The following OPRM1 variants were observed in gnomAD, a reference collection of about 807,000 sequenced individuals.
The protein encoded by OPRM1 is mu-type opioid receptor.
A neutral mutation model predicts 31.8 loss-of-function variants in OPRM1; 27 were observed. The observed-to-expected ratio is 0.85, with a 90% CI of 0.63 to 1.17. The LOEUF is 1.17. Ranked by LOEUF, OPRM1 falls within the 50% of genes most tolerant of loss-of-function variation. The pLI is 0.00. For synonymous variants in OPRM1, 196 were observed against 189.9 expected, an observed-to-expected ratio of 1.03 and a Z score of -0.26; for missense variants, 536 against 511.1, an observed-to-expected ratio of 1.05 and a Z score of -0.47.
intron 3 of OPRM1, among the ~76,000 whole-genome samples, chr6:154,114,728 T>A (rs1475515203): frequency 6.6e-6 from 1 of 151,784 alleles, no homozygotes; most frequent in Non-Finnish European, 1.5e-5. Flanking sequence ...TGGCATGATC[T>A]AACACAAGCC....
At chr6:154,221,699 C>T (rs1471145803) in intron 3 of OPRM1, among the ~76,000 whole-genome samples, 3 of 151,968 alleles carry the variant, frequency 2.0e-5, no homozygotes, top group Non-Finnish European at 1.5e-5. Context: ...TGGTGAAACC[C>T]CGTCTCTACT....
intron 3 of OPRM1, among the ~76,000 whole-genome samples, chr6:154,185,960 T>G (rs1801304032): frequency 6.6e-6 from 1 of 152,254 alleles, no homozygotes; most frequent in Non-Finnish European, 1.5e-5. Context: ...ACGACCCTTT[T>G]GGTTCCCCTT....
At chr6:154,094,111 T>A in intron 3 of OPRM1, 1 of 606,784 alleles carries the variant, frequency 1.6e-6, no homozygotes, top group Non-Finnish European at 2.7e-6. Flanking sequence ...TGGTTGTGGA[T>A]GTTTATGTTC....
intron 3 of OPRM1, among the ~76,000 whole-genome samples, chr6:154,172,653 G>C (rs950119129): frequency 3.9e-5 from 6 of 152,244 alleles, no homozygotes; most frequent in Non-Finnish European, 7.3e-5. Flanking sequence ...CAAAGCAGCA[G>C]GGAAGCTCGA....
intron 3 of OPRM1, among the ~76,000 whole-genome samples, chr6:154,179,059 A>G (rs960427554): frequency 6.6e-6 from 1 of 152,220 alleles, no homozygotes; most frequent in Non-Finnish European, 1.5e-5. Flanking sequence ...AGTCAGGGAC[A>G]TTACATTGTT....
intron 3 of OPRM1, among the ~76,000 whole-genome samples, chr6:154,198,508 G>A (rs1776805299): frequency 6.6e-6 from 1 of 152,142 alleles, no homozygotes; most frequent in African/African-American, 2.4e-5. Flanking sequence ...TGCCATCAGA[G>A]GCCAGGCAGG....
At chr6:154,048,936 C>G (rs1359795494) in intron 1 of OPRM1, among the ~76,000 whole-genome samples, 3 of 152,244 alleles carry the variant, frequency 2.0e-5, no homozygotes, top group East Asian at 3.9e-4. Flanking sequence ...TAGTTATGGT[C>G]CATAAAGTCA....
chr6:154,176,503 A>G (rs1299740818), intron 3 of OPRM1, among the ~76,000 whole-genome samples: 1 of 152,204 alleles, frequency 6.6e-6, no homozygotes, highest in African/African-American at 2.4e-5. Flanking sequence ...ATGTGCAAAA[A>G]TCACAAGCAT....
chr6:154,135,681 A>G (rs1366029517), downstream of OPRM1, among the ~76,000 whole-genome samples: 2 of 152,172 alleles, frequency 1.3e-5, no homozygotes, highest in African/African-American at 4.8e-5. Context: ...ATGGTGTCCA[A>G]CTTCTCCAAG....
chr6:154,077,833 GT>G (rs919658889), intron 1 of OPRM1, among the ~76,000 whole-genome samples: 1 of 151,022 alleles, frequency 6.6e-6, no homozygotes, highest in Non-Finnish European at 1.5e-5. Flanking sequence ...TCTCTAAAGA[GT>G]TTTCTAAATC....
chr6:154,239,707 G>A (rs1177444822), intron 3 of OPRM1, among the ~76,000 whole-genome samples: 1 of 130,044 alleles, frequency 7.7e-6, no homozygotes, highest in Non-Finnish European at 1.8e-5. Context: ...CTTCACTGAA[G>A]AAACTTTTTT....
intron 3 of OPRM1, among the ~76,000 whole-genome samples, chr6:154,208,016 C>A (rs1777641128): frequency 6.6e-6 from 1 of 152,126 alleles, no homozygotes; most frequent in Middle Eastern, 3.2e-3. Context: ...TTACTGTATA[C>A]CCTCTCTTAG....
rs1055159998 is a variant in OPRM1 at position 154,125,386 on chromosome 6, G to A, written c.*6665G>A. On this transcript the variant is annotated 3_prime_UTR_variant, in exon 4 of 4. Coordinates refer to ENST00000330432, the MANE Select transcript of OPRM1 (RefSeq NM_000914.5). ...TGTACATAAAACCTAAACCTCTGAA[G>A]CAATAAACCTCTTCCATTACACAGG... Among the ~76,000 whole-genome samples the A allele has an allele frequency of 6.6e-6, 1 of 152,128 alleles. No individual in the cohort carries two copies. The highest frequency in any genetic ancestry group is 1.5e-5 in the Non-Finnish European group (1 of 68,022).
At chr6:154,150,743 A>G (rs1266313622) in intron 3 of OPRM1, among the ~76,000 whole-genome samples, 1 of 152,260 alleles carries the variant, frequency 6.6e-6, no homozygotes, top group East Asian at 1.9e-4. Flanking sequence ...TGACTTTGAC[A>G]TTGAAGACTG....
rs766197836 is a variant in OPRM1 at position 154,098,409 on chromosome 6, AT to A, written c.1164+6943del. On this transcript the variant is annotated intron_variant, in intron 3 of 3. Transcript: ENST00000330432. ...AGTGGTGAATTGCTATTTTACAGCC[AT>A]TTTTTGTAAAAATACTCTCACTGAG... is the stretch of plus-strand genomic sequence containing the variant. 2.6e-5 allele frequency among the ~76,000 whole-genome samples: 4 copies of A among 152,302 alleles called. No individual in the cohort carries two copies. In the South Asian group the frequency reaches 8.3e-4, roughly 32 times the overall value.
chr6:154,111,180 G>C (rs759786069), intron 3 of OPRM1, among the ~76,000 whole-genome samples: 2 of 152,124 alleles, frequency 1.3e-5, no homozygotes, highest in Non-Finnish European at 2.9e-5. Flanking sequence ...CCATATGTCT[G>C]ATTCAGGCAA....
At chr6:154,116,312 C>G (rs1221569462) in intron 3 of OPRM1, among the ~76,000 whole-genome samples, 1 of 152,002 alleles carries the variant, frequency 6.6e-6, no homozygotes, top group Non-Finnish European at 1.5e-5. Context: ...TTCAGTTGGG[C>G]GTGGTGCCTC....
At chr6:154,215,258 G>T (rs577342135) in intron 3 of OPRM1, among the ~76,000 whole-genome samples, 29 of 151,756 alleles carry the variant, frequency 1.9e-4, no homozygotes, top group Middle Eastern at 3.4e-3. Flanking sequence ...GAATCCTTAC[G>T]CAACCCTCAA....
intron 3 of OPRM1, among the ~76,000 whole-genome samples, chr6:154,113,010 G>A (rs1380628754): frequency 6.6e-6 from 1 of 152,154 alleles, no homozygotes; most frequent in African/African-American, 2.4e-5. Flanking sequence ...CTTTCTTATG[G>A]TATGCATGGA....
Sources: gnomAD v4.1 joint callset for allele counts (sites outside exome capture counted in the v4.1 genomes callset) on GRCh38, gnomAD v4.1.1 for gene constraint, MANE v1.5 for transcripts, NCBI Gene and HGNC (gene_info 2026-07-23, HGNC 2026-07-21) for gene names.